The following PDE1C variants were observed in gnomAD, a reference collection of about 807,000 sequenced individuals.
PDE1C encodes phosphodiesterase 1C, also known as dual specificity calcium/calmodulin-dependent 3',5'-cyclic nucleotide phosphodiesterase 1C.
PDE1C carries 62 observed loss-of-function variants against 93.1 expected under a neutral mutation model. That is an observed-to-expected ratio of 0.67 (90% CI 0.54 to 0.82). The LOEUF is 0.82. Among genes scored for constraint, PDE1C ranks in the 40% least tolerant of loss-of-function variants. The pLI, the probability that PDE1C is intolerant of heterozygous loss-of-function variation, is 0.00. For missense variants in PDE1C, 742 were observed against 884.6 expected (o/e 0.84, Z 2.04); for synonymous variants, 325 against 310.1 (o/e 1.05, Z -0.50).
chr7:32,315,781 A>G (rs937969085), intron 1 of PDE1C, among the ~76,000 whole-genome samples: 1 of 152,144 alleles, frequency 6.6e-6, no homozygotes, highest in Non-Finnish European at 1.5e-5. Flanking sequence ...GGATCACCTG[A>G]GGTTGGGTGT....
At chr7:32,180,711 C>T (rs915074602) in intron 2 of PDE1C, among the ~76,000 whole-genome samples, 3 of 152,164 alleles carry the variant, frequency 2.0e-5, no homozygotes, top group Non-Finnish European at 4.4e-5. Flanking sequence ...ACACAAATGG[C>T]GTAAGACACT....
chr7:31,767,692 A>T (rs1295070104), intron 17 of PDE1C, among the ~76,000 whole-genome samples: 1 of 152,242 alleles, frequency 6.6e-6, no homozygotes, highest in African/African-American at 2.4e-5. Context: ...AGTGGGTTAC[A>T]AACAACAGAA....
At chr7:31,690,493 T>G in the PDE1C span, among the ~76,000 whole-genome samples, 1 of 152,242 alleles carries the variant, frequency 6.6e-6, no homozygotes, top group African/African-American at 2.4e-5. Flanking sequence ...TTAACTTGTG[T>G]GGAGAGGGGG....
At chr7:31,731,897 C>G in the PDE1C span, among the ~76,000 whole-genome samples, 1 of 152,202 alleles carries the variant, frequency 6.6e-6, no homozygotes, top group East Asian at 1.9e-4. Context: ...GTTTACCTTT[C>G]CTAGTGCTCC....
In PDE1C at chr7:32,081,875, A is replaced by C. The variant is rs185425068; in HGVS notation, c.308+87910T>G. Reference sequence around the variant, plus strand: ...TCATATCAAAATGAAAATGTGGAGAAAAATTCAGAAGACAGCCAAATAGGA... The same window carrying C: ...TCATATCAAAATGAAAATGTGGAGACAAATTCAGAAGACAGCCAAATAGGA... On this transcript the variant is annotated intron_variant, in intron 3 of 18. Transcript: ENST00000396193. Among the ~76,000 whole-genome samples, 459 of 152,358 alleles carry C rather than the reference A, an allele frequency of 3.0e-3. 1 individual carries two copies. The highest frequency in any genetic ancestry group is 0.011 in the African/African-American group (444 of 41,590).
chr7:32,402,071 T>C (rs1784955121), intron 1 of PDE1C, among the ~76,000 whole-genome samples: 1 of 152,206 alleles, frequency 6.6e-6, no homozygotes. Context: ...GTTTTCCCTA[T>C]TTAATAAAGC....
intron 3 of PDE1C, among the ~76,000 whole-genome samples, chr7:32,110,586 C>T (rs1584780665): frequency 6.6e-6 from 1 of 152,282 alleles, no homozygotes. Context: ...ACTTCTGCCA[C>T]CAACCTAGCA....
At chr7:32,239,824 T>C (rs1808409727) in intron 1 of PDE1C, among the ~76,000 whole-genome samples, 1 of 152,226 alleles carries the variant, frequency 6.6e-6, no homozygotes, top group African/African-American at 2.4e-5. Flanking sequence ...CATGGTAGGA[T>C]TGTTCTTCCT....
intron 17 of PDE1C, among the ~76,000 whole-genome samples, chr7:31,768,915 C>T (rs1462771958): frequency 6.6e-6 from 1 of 152,148 alleles, no homozygotes; most frequent in South Asian, 2.1e-4. Flanking sequence ...CCTGCCTCAA[C>T]TTCCTGAGTA....
In PDE1C at chr7:31,752,267, T is replaced by C. The variant is rs370045272; in HGVS notation, c.*1117A>G. On this transcript the variant is annotated 3_prime_UTR_variant, in exon 18 of 18. Coordinates refer to ENST00000396191, the MANE Select transcript of PDE1C (RefSeq NM_001191057.4). ...GTCTTGAGCCTTTCCTTGCTACTTC[T>C]GTGATTTTAGTCCTGAATTAAAAAT... 3.3e-5 allele frequency: 5 copies of C among 152,130 alleles called. No homozygotes were observed. The highest frequency in any genetic ancestry group is 2.6e-4 in the Admixed American group (4 of 15,278). The allele number at this position is 152,130 out of a possible 1,614,324, so 9.4% of individuals were successfully genotyped here.
chr7:32,031,692 G>A (rs1790343373), intron 2 of PDE1C, among the ~76,000 whole-genome samples: 1 of 152,128 alleles, frequency 6.6e-6, no homozygotes, highest in Admixed American at 6.6e-5. Flanking sequence ...ATTAGACTAG[G>A]GCCTTGATGG....
At chr7:32,342,505 G>A (rs890318151) in intron 1 of PDE1C, among the ~76,000 whole-genome samples, 10 of 151,880 alleles carry the variant, frequency 6.6e-5, no homozygotes, top group African/African-American at 9.7e-5. Flanking sequence ...CATCATATAC[G>A]TTTTAAATAT....
At chr7:31,976,448 A>G (rs545880256) in intron 2 of PDE1C, among the ~76,000 whole-genome samples, 1 of 152,308 alleles carries the variant, frequency 6.6e-6, no homozygotes, top group Admixed American at 6.5e-5. Flanking sequence ...ATTCATAAGT[A>G]TGTGAAAGAA....
intron 2 of PDE1C, among the ~76,000 whole-genome samples, chr7:31,942,250 C>T (rs1210195136): frequency 6.6e-6 from 1 of 151,996 alleles, no homozygotes; most frequent in African/African-American, 2.4e-5. Context: ...TATGAAGTAC[C>T]CTGTTTTGTG....
chr7:32,383,376 T>C (rs1784568202), intron 1 of PDE1C, among the ~76,000 whole-genome samples: 1 of 152,202 alleles, frequency 6.6e-6, no homozygotes, highest in African/African-American at 2.4e-5. Flanking sequence ...TGCTATTTAA[T>C]TGCTGTGTGA....
At chr7:31,988,217 T>C (rs1783666524) in intron 2 of PDE1C, among the ~76,000 whole-genome samples, 1 of 152,190 alleles carries the variant, frequency 6.6e-6, no homozygotes, top group African/African-American at 2.4e-5. Context: ...TGCCAGTCTC[T>C]GGGGGCCTTA....
chr7:31,961,847 T>G (rs776201333), intron 2 of PDE1C, among the ~76,000 whole-genome samples: 10 of 152,230 alleles, frequency 6.6e-5, no homozygotes, highest in Admixed American at 2.0e-4. Flanking sequence ...ATTTTCTTTA[T>G]GTCCTTATCA....
At chr7:32,087,829 C>A (rs1420378422) in intron 3 of PDE1C, among the ~76,000 whole-genome samples, 1 of 149,210 alleles carries the variant, frequency 6.7e-6, no homozygotes, top group Non-Finnish European at 1.5e-5. Context: ...GGAAGGGGAA[C>A]ATCACACTCT....
intron 1 of PDE1C, among the ~76,000 whole-genome samples, chr7:32,385,323 C>T (rs910041456): frequency 3.3e-5 from 5 of 152,196 alleles, no homozygotes; most frequent in African/African-American, 1.2e-4. Context: ...ATCTGGGAGC[C>T]TTAGGCAGGA....
Sources: gnomAD v4.1 joint callset for allele counts (sites outside exome capture counted in the v4.1 genomes callset) on GRCh38, gnomAD v4.1.1 for gene constraint, MANE v1.5 for transcripts, NCBI Gene and HGNC (gene_info 2026-07-23, HGNC 2026-07-21) for gene names.